NALF1: variants seen among roughly 807,000 people sequenced by gnomAD.
NALF1 encodes the protein NALCN channel auxiliary factor 1, also known as family with sequence similarity 155 member A.
In NALF1, 3 loss-of-function variants were observed where a neutral mutation model predicts 48.4. The observed-to-expected ratio is 0.06, with a 90% CI of 0.03 to 0.16. The LOEUF (loss-of-function observed/expected upper bound fraction) is 0.16. NALF1 is among the 10% of genes least tolerant of loss of function. NALF1 has a pLI of 1.00. For synonymous variants in NALF1, 262 were observed against 245.7 expected, an observed-to-expected ratio of 1.07 and a Z score of -0.62; for missense variants, 526 against 571.5, an observed-to-expected ratio of 0.92 and a Z score of 0.81.
chr13:107,418,939 C>T (rs1884139098), intron 1 of NALF1, among the ~76,000 whole-genome samples: 1 of 152,034 alleles, frequency 6.6e-6, no homozygotes, highest in African/African-American at 2.4e-5. Flanking sequence ...TCTTTTATTA[C>T]CTGAGACGGA....
intron 1 of NALF1, among the ~76,000 whole-genome samples, chr13:107,770,926 C>A (rs1265388447): frequency 6.6e-6 from 1 of 152,114 alleles, no homozygotes; most frequent in African/African-American, 2.4e-5. Flanking sequence ...CCTAAATAGT[C>A]TTTGGCCTTT....
At position 107,170,449 on chromosome 13, in the gene NALF1, A is replaced by AT. The variant is rs780907998; in HGVS notation, c.*47dup. ...TCTGTTACATGAGACAGCAGTTGCC[A>AT]TTTTTCACGGCGGGCCAGCTGCTGC... On this transcript the variant is annotated 3_prime_UTR_variant, in exon 3 of 3. Transcript: ENST00000375915. 1.3e-6 allele frequency: 2 copies of AT among 1,555,372 alleles called. No individual in the cohort carries two copies. The highest frequency in any genetic ancestry group is 1.7e-6 in the Non-Finnish European group (2 of 1,150,158).
At chr13:107,341,833 T>C (rs745724682) in intron 1 of NALF1, among the ~76,000 whole-genome samples, 9 of 151,418 alleles carry the variant, frequency 5.9e-5, no homozygotes, top group Non-Finnish European at 1.2e-4. Context: ...TAGTATTTCA[T>C]ATATATACAT....
intron 1 of NALF1, among the ~76,000 whole-genome samples, chr13:107,761,628 A>G (rs1380934646): frequency 6.6e-6 from 1 of 152,210 alleles, no homozygotes; most frequent in African/African-American, 2.4e-5. Context: ...AATTCCAATT[A>G]GGCATTGTGC....
At chr13:107,182,768 G>C (rs1879093896) in intron 2 of NALF1, among the ~76,000 whole-genome samples, 1 of 152,112 alleles carries the variant, frequency 6.6e-6, no homozygotes, top group Non-Finnish European at 1.5e-5. Flanking sequence ...GCTACAATCA[G>C]ATGTTTCAAA....
At chr13:107,689,153 G>A (rs374249732) in intron 1 of NALF1, among the ~76,000 whole-genome samples, 15 of 152,088 alleles carry the variant, frequency 9.9e-5, no homozygotes, top group East Asian at 7.7e-4. Context: ...GAGTCACAGC[G>A]GTGCAAGAAC....
At chr13:107,572,261 A>AT (rs904520560) in intron 1 of NALF1, among the ~76,000 whole-genome samples, 3 of 151,960 alleles carry the variant, frequency 2.0e-5, no homozygotes, top group African/African-American at 4.8e-5. Flanking sequence ...GTTCTGGTCT[A>AT]TTTTTTTCAA....
intron 1 of NALF1, among the ~76,000 whole-genome samples, chr13:107,703,424 C>T (rs552969688): frequency 6.3e-4 from 92 of 146,248 alleles, no homozygotes; most frequent in African/African-American, 2.2e-3. Flanking sequence ...TGCAATGGCA[C>T]GACCTCCGCC....
At chr13:107,198,850 T>C (rs936733888) in intron 2 of NALF1, among the ~76,000 whole-genome samples, 5 of 152,198 alleles carry the variant, frequency 3.3e-5, no homozygotes, top group Non-Finnish European at 5.9e-5. Context: ...TCTATTCACA[T>C]TGTTTTATCT....
At chr13:107,188,882 C>T (rs1277987000) in intron 2 of NALF1, among the ~76,000 whole-genome samples, 1 of 152,064 alleles carries the variant, frequency 6.6e-6, no homozygotes, top group Non-Finnish European at 1.5e-5. Flanking sequence ...TAGATGTAGC[C>T]TAAGAGTAAA....
At chr13:107,561,927 T>C (rs1877660428) in intron 1 of NALF1, among the ~76,000 whole-genome samples, 1 of 152,242 alleles carries the variant, frequency 6.6e-6, no homozygotes, top group Admixed American at 6.5e-5. Flanking sequence ...TTAGATCGTA[T>C]CAAAAGAAAC....
chr13:107,603,441 A>C (rs1878985738), intron 1 of NALF1, among the ~76,000 whole-genome samples: 2 of 152,210 alleles, frequency 1.3e-5, no homozygotes. Flanking sequence ...ATAATGAGTT[A>C]TTGTTTTTAG....
intron 1 of NALF1, among the ~76,000 whole-genome samples, chr13:107,384,395 G>A (rs1013043624): frequency 6.6e-6 from 1 of 152,086 alleles, no homozygotes; most frequent in Non-Finnish European, 1.5e-5. Context: ...TTTTCATACA[G>A]TCTGCAAGTT....
At chr13:107,661,829 T>C (rs16970872) in intron 1 of NALF1, among the ~76,000 whole-genome samples, 18,813 of 152,168 alleles carry the variant, frequency 0.12, 1,668 homozygotes, top group Admixed American at 0.21. Flanking sequence ...TTAAGCCTGA[T>C]ACTTAACACC....
chr13:107,422,578 A>T (rs887274643), intron 1 of NALF1, among the ~76,000 whole-genome samples: 1 of 152,124 alleles, frequency 6.6e-6, no homozygotes, highest in Non-Finnish European at 1.5e-5. Flanking sequence ...TGTTGTCTTT[A>T]CTGCATAATG....
intron 1 of NALF1, among the ~76,000 whole-genome samples, chr13:107,468,003 G>A (rs1371957880): frequency 2.0e-5 from 3 of 149,180 alleles, no homozygotes; most frequent in Non-Finnish European, 4.4e-5. Context: ...AACTGAGATC[G>A]CGCCACTGCC....
At chr13:107,865,588 A>G (rs1880689454) in intron 1 of NALF1, 94 bp downstream of exon 1, 11 of 1,495,100 alleles carry the variant, frequency 7.4e-6, no homozygotes, top group East Asian at 6.8e-5. Flanking sequence ...ACAAAACCAT[A>G]GCCAAAAAAT....
At chr13:107,853,794 G>C (rs1317480052) in intron 1 of NALF1, among the ~76,000 whole-genome samples, 1 of 151,964 alleles carries the variant, frequency 6.6e-6, no homozygotes, top group Non-Finnish European at 1.5e-5. Context: ...AAATAGATTG[G>C]GTACTCTTTT....
intron 1 of NALF1, among the ~76,000 whole-genome samples, chr13:107,682,363 C>T (rs958486821): frequency 1.3e-5 from 2 of 152,202 alleles, no homozygotes; most frequent in South Asian, 2.1e-4. Context: ...ACGGCCCACC[C>T]TCCTTGCACT....
Sources: gnomAD v4.1 joint callset for allele counts (sites outside exome capture counted in the v4.1 genomes callset) on GRCh38, gnomAD v4.1.1 for gene constraint, MANE v1.5 for transcripts, NCBI Gene and HGNC (gene_info 2026-07-23, HGNC 2026-07-21) for gene names.